Variants in MYO16 observed in about 807,000 individuals in gnomAD.
MYO16 encodes the protein unconventional myosin-XVI.
In MYO16, 94 loss-of-function variants were observed where a neutral mutation model predicts 205.3. The ratio of observed to expected loss-of-function variants is 0.46; its 90% confidence interval spans 0.39 to 0.54. The LOEUF is 0.54. MYO16 is among the 20% of genes least tolerant of loss of function. The pLI is 0.00. For synonymous variants in MYO16, 988 were observed against 954.0 expected, an observed-to-expected ratio of 1.04 and a Z score of -0.66; for missense variants, 2,315 against 2,387.5, an observed-to-expected ratio of 0.97 and a Z score of 0.63.
chr13:109,023,198 TGA>T (rs1245170601), intron 23 of MYO16, among the ~76,000 whole-genome samples: 1 of 125,430 alleles, frequency 8.0e-6, no homozygotes, highest in Non-Finnish European at 1.6e-5. Context: ...ATATTATATA[TGA>T]ATATAAATTT....
At chr13:108,745,509 T>C (rs569989233) in intron 4 of MYO16, among the ~76,000 whole-genome samples, 68 of 152,150 alleles carry the variant, frequency 4.5e-4, no homozygotes, top group Middle Eastern at 6.8e-3. Context: ...CAAAGAAATA[T>C]TGGAAGAGTC....
At chr13:108,768,013 A>G (rs1227506302) in intron 4 of MYO16, among the ~76,000 whole-genome samples, 1 of 152,170 alleles carries the variant, frequency 6.6e-6, no homozygotes, top group African/African-American at 2.4e-5. Context: ...TTAAATACTA[A>G]CAGTTGTCTG....
intron 27 of MYO16, among the ~76,000 whole-genome samples, chr13:109,095,883 A>T (rs1888760927): frequency 6.6e-6 from 1 of 152,244 alleles, no homozygotes; most frequent in South Asian, 2.1e-4. Context: ...TACATGTCCA[A>T]TATCATAGTG....
At chr13:108,666,784 G>A (rs905897248) in intron 2 of MYO16, among the ~76,000 whole-genome samples, 1 of 152,110 alleles carries the variant, frequency 6.6e-6, no homozygotes, top group Non-Finnish European at 1.5e-5. Context: ...AATCTCAATT[G>A]TCTTCACAAG....
At chr13:108,580,373 C>T in the MYO16 span, among the ~76,000 whole-genome samples, 19 of 152,266 alleles carry the variant, frequency 1.2e-4, no homozygotes, top group African/African-American at 3.4e-4. Flanking sequence ...AGGTTTTTCT[C>T]GATTTACCAA....
intron 1 of MYO16, among the ~76,000 whole-genome samples, chr13:108,639,992 C>T (rs10083270): frequency 0.026 from 3,936 of 152,250 alleles, 165 homozygotes; most frequent in African/African-American, 0.083. Context: ...CCAAGTCCCA[C>T]GGTATGCAAG....
intron 7 of MYO16, among the ~76,000 whole-genome samples, chr13:108,813,378 T>C (rs1478195129): frequency 6.6e-6 from 1 of 152,138 alleles, no homozygotes; most frequent in Non-Finnish European, 1.5e-5. Flanking sequence ...GTAATTCAAG[T>C]GGGGTATGCA....
At chr13:108,924,957 C>T (rs980883150) in intron 16 of MYO16, among the ~76,000 whole-genome samples, 5 of 152,144 alleles carry the variant, frequency 3.3e-5, no homozygotes, top group African/African-American at 4.8e-5. Context: ...AAAACAAACC[C>T]GTTTTCAACA....
At chr13:108,989,829 A>G (rs1884763920) in intron 20 of MYO16, among the ~76,000 whole-genome samples, 1 of 152,120 alleles carries the variant, frequency 6.6e-6, no homozygotes, top group African/African-American at 2.4e-5. Flanking sequence ...ATTTCTTTGT[A>G]ATTTTAATAA....
intron 7 of MYO16, among the ~76,000 whole-genome samples, chr13:108,807,501 C>A (rs192001547): frequency 6.0e-4 from 92 of 152,080 alleles, no homozygotes; most frequent in Non-Finnish European, 1.2e-3. Flanking sequence ...GCTAAATATC[C>A]CTGAATTGTG....
chr13:109,157,395 C>G (rs1226162647), intron 32 of MYO16, among the ~76,000 whole-genome samples: 2 of 152,184 alleles, frequency 1.3e-5, no homozygotes, highest in Non-Finnish European at 2.9e-5. Context: ...CCAGCCTCCC[C>G]TCCCTCACGA....
At chr13:108,722,205 G>C (rs1355611700) in intron 3 of MYO16, among the ~76,000 whole-genome samples, 2 of 152,142 alleles carry the variant, frequency 1.3e-5, no homozygotes, top group Non-Finnish European at 2.9e-5. Flanking sequence ...TTGGAGTTCT[G>C]CTGGGCATGA....
At chr13:109,150,878 C>G (rs975470488) in intron 32 of MYO16, among the ~76,000 whole-genome samples, 1 of 152,228 alleles carries the variant, frequency 6.6e-6, no homozygotes, top group Non-Finnish European at 1.5e-5. Flanking sequence ...CTCTAAGCCA[C>G]TCAGCAGCTC....
chr13:108,572,072 AC>A, the MYO16 span, among the ~76,000 whole-genome samples: 698 of 151,918 alleles, frequency 4.6e-3, 6 homozygotes, highest in African/African-American at 0.016. Context: ...GGTGCATGCC[AC>A]CATGCCCAGC....
At chr13:109,027,125 G>A (rs546137681) in intron 23 of MYO16, among the ~76,000 whole-genome samples, 2 of 152,138 alleles carry the variant, frequency 1.3e-5, no homozygotes, top group Admixed American at 1.3e-4. Flanking sequence ...GGGAGAGGCT[G>A]TTCCAAGCCT....
intron 4 of MYO16, among the ~76,000 whole-genome samples, chr13:108,778,765 C>T (rs963508410): frequency 1.3e-5 from 2 of 152,166 alleles, no homozygotes; most frequent in African/African-American, 4.8e-5. Context: ...GGTACTTCAG[C>T]AACCTACACA....
chr13:108,857,699 TA>T (rs1878254463), intron 11 of MYO16, among the ~76,000 whole-genome samples: 1 of 152,220 alleles, frequency 6.6e-6, no homozygotes, highest in African/African-American at 2.4e-5. Flanking sequence ...CAAGAATAGG[TA>T]AAGCAGCTTA....
chr13:108,501,411 G>C, the MYO16 span, among the ~76,000 whole-genome samples: 1 of 152,080 alleles, frequency 6.6e-6, no homozygotes, highest in Non-Finnish European at 1.5e-5. Flanking sequence ...TTCATCCTCT[G>C]ACTCTCTCTC....
chr13:108,564,923 T>C, the MYO16 span, among the ~76,000 whole-genome samples: 1 of 152,186 alleles, frequency 6.6e-6, no homozygotes, highest in African/African-American at 2.4e-5. Context: ...TTCCCCAATG[T>C]ATGTTCTTTG....
Sources: gnomAD v4.1 joint callset for allele counts (sites outside exome capture counted in the v4.1 genomes callset) on GRCh38, gnomAD v4.1.1 for gene constraint, MANE v1.5 for transcripts, NCBI Gene and HGNC (gene_info 2026-07-23, HGNC 2026-07-21) for gene names.